Variants in ADAMTSL1 observed in about 807,000 individuals in gnomAD.
The protein encoded by ADAMTSL1 is ADAMTS-like protein 1.
In ADAMTSL1, 126 loss-of-function variants were observed where a neutral mutation model predicts 201.8. The observed-to-expected ratio is 0.62, with a 90% CI of 0.54 to 0.72. The LOEUF is 0.72. ADAMTSL1 is among the 30% of genes least tolerant of loss of function. The probability of loss-of-function intolerance (pLI) is 0.00; values close to 1 mark genes in which losing one functional copy is unlikely to be tolerated. For missense variants in ADAMTSL1, 2,679 were observed against 2,277.8 expected (o/e 1.18, Z -3.59); for synonymous variants, 1,121 against 903.4 (o/e 1.24, Z -4.32).
chr9:18,164,885 A>G (rs1827565532), intron 2 of ADAMTSL1, among the ~76,000 whole-genome samples: 3 of 151,980 alleles, frequency 2.0e-5, no homozygotes, highest in Admixed American at 1.3e-4. Context: ...GGCTCTCTTC[A>G]TTGCCATTCA....
intron 1 of ADAMTSL1, among the ~76,000 whole-genome samples, chr9:18,068,689 T>C (rs1822820661): frequency 6.6e-6 from 1 of 152,236 alleles, no homozygotes; most frequent in African/African-American, 2.4e-5. Context: ...GTTTTTAATG[T>C]TGTGAATCTA....
intron 3 of ADAMTSL1, among the ~76,000 whole-genome samples, chr9:18,557,792 C>T (rs140620155): frequency 2.8e-3 from 421 of 152,168 alleles, no homozygotes; most frequent in African/African-American, 9.8e-3. Flanking sequence ...TTCCATGAAG[C>T]AACTGCAATC....
chr9:18,676,018 G>A, intron 10 of ADAMTSL1, 111 bp downstream of exon 10: 2 of 1,032,936 alleles, frequency 1.9e-6, no homozygotes, highest in Non-Finnish European at 2.9e-6. Context: ...ATGTTTTTAA[G>A]ATGGTAGATG....
intron 15 of ADAMTSL1, among the ~76,000 whole-genome samples, 183 bp downstream of exon 15, chr9:18,721,848 C>T (rs936749413): frequency 1.3e-5 from 2 of 152,224 alleles, no homozygotes; most frequent in African/African-American, 4.8e-5. Context: ...AATTCTAGCC[C>T]AGTCAATGGT....
chr9:18,089,729 A>T (rs10756933), intron 1 of ADAMTSL1, among the ~76,000 whole-genome samples: 80,748 of 151,966 alleles, frequency 0.53, 22,252 homozygotes, highest in African/African-American at 0.67. Flanking sequence ...AGCAGAGAGT[A>T]TAATGGTGGT....
chr9:18,146,976 C>CT (rs1315599868), intron 1 of ADAMTSL1, among the ~76,000 whole-genome samples: 1 of 152,116 alleles, frequency 6.6e-6, no homozygotes, highest in Non-Finnish European at 1.5e-5. Flanking sequence ...CTTTTAGACT[C>CT]TATCTCTTTG....
chr9:18,647,309 T>C (rs1250067100), intron 7 of ADAMTSL1, among the ~76,000 whole-genome samples: 3 of 152,098 alleles, frequency 2.0e-5, no homozygotes, highest in African/African-American at 7.2e-5. Context: ...TAGTGGTCTA[T>C]CAATTTTGTT....
chr9:17,927,735 G>T (rs546294960), intron 1 of ADAMTSL1, among the ~76,000 whole-genome samples: 1 of 152,136 alleles, frequency 6.6e-6, no homozygotes, highest in South Asian at 2.1e-4. Flanking sequence ...TATTTCAGAG[G>T]ATATGTGTAA....
chr9:18,846,222 T>C (rs1213952529), intron 23 of ADAMTSL1, among the ~76,000 whole-genome samples: 1 of 152,222 alleles, frequency 6.6e-6, no homozygotes, highest in Non-Finnish European at 1.5e-5. Context: ...TGCAGTGTGA[T>C]TCCAGTGGGG....
At chr9:18,235,143 A>G (rs952061829) in intron 2 of ADAMTSL1, among the ~76,000 whole-genome samples, 1 of 152,220 alleles carries the variant, frequency 6.6e-6, no homozygotes, top group Middle Eastern at 3.4e-3. Flanking sequence ...TTACATTTAC[A>G]CATCATGTCT....
chr9:18,266,394 A>G (rs1336942588), intron 2 of ADAMTSL1, among the ~76,000 whole-genome samples: 2 of 152,230 alleles, frequency 1.3e-5, no homozygotes, highest in Non-Finnish European at 2.9e-5. Context: ...CAGTCGGCCA[A>G]GAGAACTGAA....
intron 2 of ADAMTSL1, among the ~76,000 whole-genome samples, chr9:18,398,068 A>G (rs758118992): frequency 2.0e-5 from 3 of 152,182 alleles, no homozygotes; most frequent in Non-Finnish European, 2.9e-5. Flanking sequence ...AGTACATTCA[A>G]TCTAACAGCT....
At chr9:18,222,988 T>C (rs1441389031) in intron 2 of ADAMTSL1, among the ~76,000 whole-genome samples, 1 of 152,112 alleles carries the variant, frequency 6.6e-6, no homozygotes, top group African/African-American at 2.4e-5. Context: ...GTCTTCTCTT[T>C]GTCATTACTT....
intron 4 of ADAMTSL1, among the ~76,000 whole-genome samples, chr9:18,621,592 A>ACACC (rs1489631501): frequency 7.6e-6 from 1 of 131,374 alleles, no homozygotes; most frequent in African/African-American, 2.7e-5. Flanking sequence ...ACACACACAC[A>ACACC]CACACACAGT....
chr9:18,496,258 C>T (rs1379925739), intron 1 of ADAMTSL1, among the ~76,000 whole-genome samples: 4 of 152,120 alleles, frequency 2.6e-5, no homozygotes, highest in African/African-American at 9.7e-5. Flanking sequence ...CTTATCATTC[C>T]ACTTTTTCTG....
intron 4 of ADAMTSL1, among the ~76,000 whole-genome samples, chr9:18,582,504 G>C (rs1043561122): frequency 4.6e-5 from 7 of 152,230 alleles, no homozygotes; most frequent in Non-Finnish European, 2.9e-5. Flanking sequence ...ATCTTTCCTG[G>C]TCTCTTCTCA....
At chr9:18,261,800 G>A (rs929545677) in intron 2 of ADAMTSL1, among the ~76,000 whole-genome samples, 2 of 152,164 alleles carry the variant, frequency 1.3e-5, no homozygotes, top group African/African-American at 4.8e-5. Context: ...CATATCATAT[G>A]TGTTTTCTGG....
chr9:18,829,177 T>C (rs1588181657), intron 22 of ADAMTSL1, among the ~76,000 whole-genome samples: 2 of 152,214 alleles, frequency 1.3e-5, no homozygotes, highest in African/African-American at 4.8e-5. Flanking sequence ...TAGTCACTTT[T>C]AGCATTAACT....
chr9:18,792,190 C>T (rs1822104906), intron 19 of ADAMTSL1, among the ~76,000 whole-genome samples: 1 of 152,166 alleles, frequency 6.6e-6, no homozygotes. Context: ...CCTCCTCCCT[C>T]ATGGTTAATT....
Sources: gnomAD v4.1 joint callset for allele counts (sites outside exome capture counted in the v4.1 genomes callset) on GRCh38, gnomAD v4.1.1 for gene constraint, MANE v1.5 for transcripts, NCBI Gene and HGNC (gene_info 2026-07-23, HGNC 2026-07-21) for gene names.